GRIP1: variants seen among roughly 807,000 people sequenced by gnomAD.
The protein encoded by GRIP1 is glutamate receptor interacting protein 1, also known as glutamate receptor-interacting protein 1.
In GRIP1, 45 loss-of-function variants were observed where a neutral mutation model predicts 129.9. That is an observed-to-expected ratio of 0.35 (90% confidence interval 0.27 to 0.44). The LOEUF is 0.44. GRIP1 is among the 20% of genes least tolerant of loss of function. The pLI, the probability that GRIP1 is intolerant of heterozygous loss-of-function variation, is 1.00. For missense variants in GRIP1, 1,196 were observed against 1,396.8 expected (o/e 0.86, Z 2.29); for synonymous variants, 530 against 520.8 (o/e 1.02, Z -0.24).
intron 2 of GRIP1, among the ~76,000 whole-genome samples, chr12:66,574,552 C>T (rs934000189): frequency 3.9e-5 from 6 of 152,204 alleles, no homozygotes; most frequent in African/African-American, 9.6e-5. Flanking sequence ...CTACCTCATA[C>T]GTTTAACAGT....
intron 1 of GRIP1, among the ~76,000 whole-genome samples, chr12:66,881,930 G>A (rs1326871945): frequency 6.6e-6 from 1 of 152,174 alleles, no homozygotes; most frequent in Non-Finnish European, 1.5e-5. Context: ...TACAAACCAA[G>A]TATTTGAAAA....
intron 1 of GRIP1, among the ~76,000 whole-genome samples, chr12:66,615,663 A>G (rs1400472530): frequency 1.3e-5 from 2 of 152,192 alleles, no homozygotes; most frequent in South Asian, 2.1e-4. Context: ...AATTTTTGAA[A>G]CGGAGTTTCA....
intron 2 of GRIP1, among the ~76,000 whole-genome samples, chr12:66,551,808 C>A (rs2062148307): frequency 6.6e-6 from 1 of 151,946 alleles, no homozygotes; most frequent in South Asian, 2.1e-4. Context: ...TTTTGAACTC[C>A]TGGGCTCAAG....
At chr12:66,349,818 C>CTAAGAA (rs57541753) in intron 24 of GRIP1, among the ~76,000 whole-genome samples, 75,614 of 150,986 alleles carry the variant, frequency 0.5, 19,419 homozygotes, top group East Asian at 0.57. Flanking sequence ...CCTGTCTCTA[C>CTAAGAA]TAAGAAAATT....
intron 1 of GRIP1, among the ~76,000 whole-genome samples, chr12:66,933,017 T>C (rs1470549006): frequency 6.6e-6 from 1 of 152,216 alleles, no homozygotes; most frequent in Admixed American, 6.5e-5. Context: ...ATGATATTGT[T>C]CCTATAGGTA....
intron 1 of GRIP1, among the ~76,000 whole-genome samples, chr12:66,833,742 TCA>T (rs1462066212): frequency 1.3e-5 from 2 of 152,046 alleles, no homozygotes; most frequent in Non-Finnish European, 2.9e-5. Flanking sequence ...GTAAAACAAG[TCA>T]CAACATTATT....
At chr12:66,554,024 G>C (rs1188749390) in intron 2 of GRIP1, among the ~76,000 whole-genome samples, 1 of 152,128 alleles carries the variant, frequency 6.6e-6, no homozygotes, top group African/African-American at 2.4e-5. Context: ...TGCTGTGCTG[G>C]GCTAAGAGCC....
intron 1 of GRIP1, among the ~76,000 whole-genome samples, chr12:66,757,064 T>C (rs1202844951): frequency 6.6e-6 from 1 of 152,242 alleles, no homozygotes; most frequent in Non-Finnish European, 1.5e-5. Flanking sequence ...GAGGTATCCA[T>C]TACTTCAAGC....
At chr12:66,694,017 C>T (rs921299026) in intron 1 of GRIP1, among the ~76,000 whole-genome samples, 11 of 152,170 alleles carry the variant, frequency 7.2e-5, no homozygotes, top group Admixed American at 6.5e-4. Context: ...TTAGCACTCT[C>T]AGGGCCACTG....
chr12:66,658,543 T>C (rs1330764979), intron 1 of GRIP1, among the ~76,000 whole-genome samples: 2 of 151,048 alleles, frequency 1.3e-5, no homozygotes, highest in African/African-American at 4.9e-5. Flanking sequence ...ATCGTGCCAC[T>C]GCACTCCAGG....
intron 11 of GRIP1, among the ~76,000 whole-genome samples, chr12:66,450,229 G>A (rs953074660): frequency 2.7e-5 from 4 of 146,140 alleles, no homozygotes; most frequent in South Asian, 2.2e-4. Flanking sequence ...GCGTGAACCC[G>A]GGAGGCGGAG....
intron 2 of GRIP1, among the ~76,000 whole-genome samples, chr12:66,543,325 GTCA>G (rs2061844971): frequency 6.7e-6 from 1 of 148,534 alleles, no homozygotes; most frequent in Non-Finnish European, 1.5e-5. Flanking sequence ...GTATACATAA[GTCA>G]TTATCGTCTT....
At chr12:66,379,998 C>T (rs902002958) in intron 19 of GRIP1, among the ~76,000 whole-genome samples, 11 of 152,114 alleles carry the variant, frequency 7.2e-5, no homozygotes, top group Non-Finnish European at 1.3e-4. Flanking sequence ...CTCCTCCTCC[C>T]GGGTTCAAAC....
chr12:66,877,308 G>A (rs1464851491), intron 1 of GRIP1, among the ~76,000 whole-genome samples: 2 of 151,946 alleles, frequency 1.3e-5, no homozygotes, highest in African/African-American at 2.4e-5. Flanking sequence ...TATATCTTTT[G>A]TATTTCAGTC....
rs2056708291 is a variant in GRIP1, at chr12:66,394,329, T to C, written c.2008A>G (p.Ile670Val). The change falls in exon 17 of 25, where the codon ATT becomes GTT. Residue 670 changes from isoleucine to valine, a missense_variant. By Grantham distance (29) the Ile-to-Val change is conservative (BLOSUM62 3). This residue lies in a region of GRIP1 where 508 missense variants were observed against 587.0 expected (regional missense o/e 0.87). Coordinates refer to ENST00000359742, the MANE Select transcript of GRIP1 (RefSeq NM_001366722.1). ...NSDEQESSGA[I>V]IYTVELKRYG... ...CGTTTAAGCTCCACGGTGTAAATAATTGCTCCGGAACTTTCTTGCTCATCT... is the reference window on the plus strand; with the variant it reads ...CGTTTAAGCTCCACGGTGTAAATAACTGCTCCGGAACTTTCTTGCTCATCT... 5 of 1,614,098 alleles carry C rather than the reference T, an allele frequency of 3.1e-6. No individual in the cohort carries two copies. The highest frequency in any genetic ancestry group is 4.2e-6 in the Non-Finnish European group (5 of 1,179,926).
At chr12:66,390,485 A>T (rs1423981132) in intron 19 of GRIP1, among the ~76,000 whole-genome samples, 1 of 152,222 alleles carries the variant, frequency 6.6e-6, no homozygotes, top group Non-Finnish European at 1.5e-5. Context: ...ACTATGATTC[A>T]AAATTTCAAA....
At chr12:66,927,966 G>A (rs1260430574) in intron 1 of GRIP1, among the ~76,000 whole-genome samples, 1 of 152,106 alleles carries the variant, frequency 6.6e-6, no homozygotes, top group Non-Finnish European at 1.5e-5. Context: ...CTGCAATTAG[G>A]GACAATTGCT....
chr12:66,860,922 T>C (rs1411015056), intron 1 of GRIP1, among the ~76,000 whole-genome samples: 3 of 152,098 alleles, frequency 2.0e-5, no homozygotes, highest in South Asian at 2.1e-4. Flanking sequence ...AGAAAGCAGT[T>C]TGTGGACATT....
At chr12:66,642,676 A>G (rs1435901780) in intron 1 of GRIP1, among the ~76,000 whole-genome samples, 1 of 152,190 alleles carries the variant, frequency 6.6e-6, no homozygotes, top group Non-Finnish European at 1.5e-5. Context: ...TAAGTAATCC[A>G]AAGACTAACA....
Sources: gnomAD v4.1 joint callset for allele counts (sites outside exome capture counted in the v4.1 genomes callset) on GRCh38, gnomAD v4.1.1 for gene constraint, gnomAD v4.1.1 regional missense constraint, MANE v1.5 for transcripts, NCBI Gene and HGNC (gene_info 2026-07-23, HGNC 2026-07-21) for gene names.